WDFY3: variants seen among roughly 807,000 people sequenced by gnomAD.
WDFY3 encodes WD repeat and FYVE domain containing 3, also known as WD repeat and FYVE domain-containing protein 3.
A neutral mutation model predicts 409.6 loss-of-function variants in WDFY3; 66 were observed. That is an observed-to-expected ratio of 0.16 (90% CI 0.13 to 0.20). The LOEUF is 0.20. Among genes scored for constraint, WDFY3 ranks in the 10% least tolerant of loss-of-function variants. The pLI, the probability that WDFY3 is intolerant of heterozygous loss-of-function variation, is 1.00. For synonymous variants in WDFY3, 1,521 were observed against 1,537.1 expected (o/e 0.99, Z 0.25); for missense variants, 3,031 against 4,298.1 (o/e 0.71, Z 8.24).
chr4:84,757,426 CCTT>C (rs1741657033), intron 32 of WDFY3, among the ~76,000 whole-genome samples: 1 of 152,094 alleles, frequency 6.6e-6, no homozygotes, highest in Non-Finnish European at 1.5e-5. Context: ...GTTTGAAAAT[CCTT>C]CTTAAGGTGC....
intron 36 of WDFY3, among the ~76,000 whole-genome samples, chr4:84,747,073 A>T (rs1739580430): frequency 6.6e-6 from 1 of 152,232 alleles, no homozygotes; most frequent in African/African-American, 2.4e-5. Flanking sequence ...GACAACCAGA[A>T]TGAAGGCAGG....
Position 84,692,922 on chromosome 4 carries a change from A to T in WDFY3, c.9012T>A (p.His3004Gln), listed in dbSNP as rs1729496413. 6.2e-7 allele frequency: 1 copy of T among 1,613,028 alleles called. No homozygotes were observed. Among genetic ancestry groups the T allele is most frequent in the South Asian group, 1.1e-5 (1 of 90,682 alleles). The change falls in exon 59 of 68, where the codon CAT (histidine) becomes CAA (glutamine). Residue 3004 changes from histidine (H) to glutamine (Q), a missense_variant. Physicochemically the swap from His to Gln is conservative, Grantham distance 24. Coordinates refer to ENST00000295888, the MANE Select transcript of WDFY3 (RefSeq NM_014991.6). ...TTAGAGAAGGCCTCAAGTTGTCTAG[A>T]TGATGAAAAAAGATCTTGTCACTTG... ...GSTSDKIFFH[H>Q]LDNLRPSLTP...
At chr4:84,849,323 G>GA (rs1362324496) in intron 5 of WDFY3, among the ~76,000 whole-genome samples, 10 of 151,866 alleles carry the variant, frequency 6.6e-5, no homozygotes, top group Non-Finnish European at 1.3e-4. Context: ...AGGTTGAGAA[G>GA]AAAAACAGTA....
chr4:84,957,435 A>G (rs931952094), intron 1 of WDFY3, among the ~76,000 whole-genome samples: 1 of 152,210 alleles, frequency 6.6e-6, no homozygotes, highest in Non-Finnish European at 1.5e-5. Flanking sequence ...TATCACTAAC[A>G]GACATTGCTT....
At chr4:84,799,380 C>T (rs1032179506) in intron 17 of WDFY3, among the ~76,000 whole-genome samples, 22 of 146,828 alleles carry the variant, frequency 1.5e-4, no homozygotes, top group Middle Eastern at 3.6e-3. Flanking sequence ...CTATGTTATT[C>T]AGGCTTATTT....
In WDFY3 at chr4:84,755,320, T is replaced by C. The variant is rs762949545; in HGVS notation, c.5505A>G (p.Val1835=). 3.1e-6 allele frequency: 5 copies of C among 1,612,994 alleles called. No individual in the cohort carries two copies. The highest frequency in any genetic ancestry group is 4.2e-6 in the Non-Finnish European group (5 of 1,179,764). Residue 1835 remains valine, a synonymous_variant, in exon 34 of 68, where the codon GTA becomes GTG. Coordinates refer to ENST00000295888, the MANE Select transcript of WDFY3 (RefSeq NM_014991.6). The part of the protein sequence containing the change: ...SGTVVSSIHN[V]CTEAVFLLLG... ...ATAATAAAAAAACAGCTTCTGTGCA[T>C]ACGTTATGGATAGAAGAGACCACAG... is the stretch of plus-strand genomic sequence containing the variant.
chr4:84,795,409 C>CA (rs1161050614), intron 19 of WDFY3, among the ~76,000 whole-genome samples: 1 of 152,110 alleles, frequency 6.6e-6, no homozygotes, highest in African/African-American at 2.4e-5. Flanking sequence ...TCTTAAAACA[C>CA]AGAGGTTTCA....
chr4:84,963,906 T>C (rs574011904), intron 1 of WDFY3, among the ~76,000 whole-genome samples: 13 of 152,332 alleles, frequency 8.5e-5, no homozygotes, highest in African/African-American at 2.9e-4. Context: ...AACGTCTATG[T>C]GCTGAACTCT....
chr4:84,780,458 G>A (rs982819346), intron 25 of WDFY3, among the ~76,000 whole-genome samples, 160 bp from the exon 26 acceptor site: 8 of 151,986 alleles, frequency 5.3e-5, no homozygotes, highest in African/African-American at 1.7e-4. Context: ...GTAGAATTTG[G>A]GACAAGGCAA....
At chr4:84,803,614 G>A (rs573943394) in intron 15 of WDFY3, 147 bp from the exon 16 acceptor site, 10 of 847,764 alleles carry the variant, frequency 1.2e-5, no homozygotes, top group Admixed American at 5.9e-5. Context: ...TTATCAACTC[G>A]AGTTGATATG....
intron 2 of WDFY3, among the ~76,000 whole-genome samples, chr4:84,930,152 C>A (rs547882897): frequency 6.6e-6 from 1 of 152,254 alleles, no homozygotes; most frequent in Non-Finnish European, 1.5e-5. Context: ...GCAGCCCTCA[C>A]AAACTAATAT....
chr4:84,949,059 T>C (rs767438331), intron 1 of WDFY3, among the ~76,000 whole-genome samples: 7 of 152,158 alleles, frequency 4.6e-5, no homozygotes, highest in Admixed American at 6.6e-5. Flanking sequence ...GCGCCTGTAG[T>C]TAGTTAAGGT....
chr4:84,736,092 C>T (rs1172978773), intron 42 of WDFY3, 78 bp downstream of exon 42: 2 of 1,427,320 alleles, frequency 1.4e-6, no homozygotes, highest in Non-Finnish European at 1.9e-6. Context: ...AGTTTCATTT[C>T]CAATCAATTG....
In WDFY3 at chr4:84,821,486, T is replaced by C. The variant is rs1754049973; in HGVS notation, c.1189A>G (p.Ser397Gly). ...TCAAGGATGATTTGGGCAAGGAAGC[T>C]GGTTTTTGCTTTTAAAAATGCATTC... ...LQNAFLKAKT[S>G]FLAQIILDAI... The change falls in exon 11 of 68, where the codon AGC (serine) becomes GGC (glycine). Residue 397 changes from serine to glycine, a missense_variant. Around this residue, in one of 16 missense-constraint regions of WDFY3, gnomAD observed 1,322 missense variants for 1,697.9 expected, o/e 0.78. Coordinates refer to ENST00000295888, the MANE Select transcript of WDFY3 (RefSeq NM_014991.6). 1 of 1,613,886 alleles carries C rather than the reference T, an allele frequency of 6.2e-7. No individual in the cohort carries two copies. The highest frequency in any genetic ancestry group is 8.5e-7 in the Non-Finnish European group (1 of 1,179,846).
chr4:84,801,627 T>C lies in WDFY3; in HGVS notation c.2822+23A>G, dbSNP rs376409545. The C allele has an allele frequency of 6.7e-5, 106 of 1,587,616 alleles. 1 individual carries two copies. The highest frequency in any genetic ancestry group is 4.9e-4 in the South Asian group (44 of 88,978). On this transcript the variant is annotated intron_variant, in intron 17 of 67. Transcript: ENST00000295888. ...AACTGACATTACTAATTGTGGACTATTTGAGTATGAAAGAGAACTTACCTC... is the reference window on the plus strand; with the variant it reads ...AACTGACATTACTAATTGTGGACTACTTGAGTATGAAAGAGAACTTACCTC...
intron 53 of WDFY3, among the ~76,000 whole-genome samples, chr4:84,706,938 C>CT (rs1229485318): frequency 0.042 from 5,661 of 134,830 alleles, 381 homozygotes; most frequent in African/African-American, 0.14. Flanking sequence ...ATTTTTACTT[C>CT]TTTTTTTTTT....
At chr4:84,771,664 T>G (rs150190206) in intron 30 of WDFY3, among the ~76,000 whole-genome samples, 427 of 152,310 alleles carry the variant, frequency 2.8e-3, no homozygotes, top group African/African-American at 9.8e-3. Flanking sequence ...TTTACTTGTA[T>G]CTTTTTGGGC....
chr4:84,956,701 A>G (rs1561160705), intron 1 of WDFY3, among the ~76,000 whole-genome samples: 1 of 152,102 alleles, frequency 6.6e-6, no homozygotes, highest in Non-Finnish European at 1.5e-5. Context: ...AACCTCATCA[A>G]AATACATTAT....
chr4:84,684,628 T>C (rs1727989812), intron 62 of WDFY3, among the ~76,000 whole-genome samples: 1 of 151,894 alleles, frequency 6.6e-6, no homozygotes, highest in Non-Finnish European at 1.5e-5. Flanking sequence ...ACAATCTTGG[T>C]AATGCTGTAA....
Sources: gnomAD v4.1 joint callset for allele counts (sites outside exome capture counted in the v4.1 genomes callset) on GRCh38, gnomAD v4.1.1 for gene constraint, gnomAD v4.1.1 regional missense constraint, MANE v1.5 for transcripts, NCBI Gene and HGNC (gene_info 2026-07-23, HGNC 2026-07-21) for gene names.